Variants in LRIG3 observed in about 807,000 individuals in gnomAD.
The protein encoded by LRIG3 is leucine rich repeats and immunoglobulin like domains 3, also known as leucine-rich repeats and immunoglobulin-like domains protein 3.
LRIG3 carries 76 observed loss-of-function variants against 114.5 expected under a neutral mutation model. The ratio of observed to expected loss-of-function variants is 0.66; its 90% CI spans 0.55 to 0.80. LRIG3 has a LOEUF of 0.80. Ranked by LOEUF, LRIG3 falls within the 30% of genes least tolerant of loss-of-function variation. The pLI, the probability that LRIG3 is intolerant of heterozygous loss-of-function variation, is 0.00. For missense variants in LRIG3, 1,239 were observed against 1,382.8 expected (o/e 0.90, Z 1.65); for synonymous variants, 512 against 519.8 (o/e 0.98, Z 0.20).
At chr12:58,890,908 G>T in intron 3 of LRIG3, 112 bp from the exon 4 acceptor site, 1 of 958,416 alleles carries the variant, frequency 1.0e-6, no homozygotes, top group Non-Finnish European at 1.5e-6. Flanking sequence ...TGACTAATCT[G>T]AACAGTACTT....
Position 58,874,295 on chromosome 12 carries a change from G to A in LRIG3, c.2875C>T (p.His959Tyr). Residue 959 changes from histidine to tyrosine, a missense_variant, in exon 18 of 19, where the codon CAC becomes TAC. By Grantham distance (83) the His-to-Tyr change is moderately conservative. Coordinates refer to ENST00000320743, the MANE Select transcript of LRIG3 (RefSeq NM_153377.5). ...SPDPRTVLMDHYEPSYIKKKE... is the reference protein window; with the variant it reads ...SPDPRTVLMDYYEPSYIKKKE... ...TTCTTTATGTAACTGGGCTCATAGTGGTCCATTAAAACTGTTCTTGGGTCA... is the reference window on the plus strand; with the variant it reads ...TTCTTTATGTAACTGGGCTCATAGTAGTCCATTAAAACTGTTCTTGGGTCA... The A allele has an allele frequency of 6.2e-7, 1 of 1,613,184 alleles. No individual in the cohort carries two copies. Among genetic ancestry groups the A allele is most frequent in the Non-Finnish European group, 8.5e-7 (1 of 1,179,730 alleles).
chr12:58,912,955 C>T (rs1872340700), intron 3 of LRIG3, among the ~76,000 whole-genome samples: 1 of 152,330 alleles, frequency 6.6e-6, no homozygotes, highest in East Asian at 1.9e-4. Context: ...GGAAAAACCA[C>T]ATCAGTATCA....
At chr12:58,873,657 G>A (rs10506360) in intron 18 of LRIG3, 5,046 of 200,106 alleles carry the variant, frequency 0.025, 211 homozygotes, top group East Asian at 0.12. Flanking sequence ...CCCTTCGACT[G>A]CGGGTTCAGT....
Position 58,882,943 on chromosome 12 carries a change from T to C in LRIG3, c.1406A>G (p.Asn469Ser). 6.2e-7 allele frequency: 1 copy of C among 1,614,160 alleles called. No individual in the cohort carries two copies. The highest frequency in any genetic ancestry group is 1.7e-5 in the Admixed American group (1 of 60,018). The change falls in exon 12 of 19, where the codon AAT (asparagine) becomes AGT (serine). Residue 469 changes from asparagine (N) to serine (S), a missense_variant. By Grantham distance (46) the Asn-to-Ser change is conservative. Transcript: ENST00000320743. ...VAENNFQSFV[N>S]ASCAHPQLLK... ...CAGCTGAGGATGGGCACAACTGGCA[T>C]TTACAAAGCTCTGAAAGTTGTTTTC...
In LRIG3 at chr12:58,879,045, C is replaced by T. The variant is rs750955425; in HGVS notation, c.1862G>A (p.Arg621His). The change falls in exon 14 of 19, where the codon CGC becomes CAC. Residue 621 changes from arginine (R) to histidine (H), a missense_variant. Physicochemically the swap from Arg to His is conservative, Grantham distance 29. Coordinates refer to ENST00000320743, the MANE Select transcript of LRIG3 (RefSeq NM_153377.5). ...DLTIRAGAMA[R>H]LECAAVGHPA... ...GTGCCCCACAGCAGCACACTCCAAG[C>T]GTGCCATGGCCCCAGCTCGGATGGT... 3.9e-5 allele frequency: 63 copies of T among 1,614,006 alleles called. 2 individuals carry two copies. The Admixed American group carries it at 4.7e-4, about 12-fold the overall frequency.
At chr12:58,898,943 C>T (rs1394347024) in intron 3 of LRIG3, among the ~76,000 whole-genome samples, 7 of 152,330 alleles carry the variant, frequency 4.6e-5, no homozygotes, top group African/African-American at 1.7e-4. Context: ...AGGTGGGAGC[C>T]ACCACGCCCA....
intron 3 of LRIG3, among the ~76,000 whole-genome samples, chr12:58,903,873 T>G (rs1189602379): frequency 6.6e-6 from 1 of 152,094 alleles, no homozygotes; most frequent in Non-Finnish European, 1.5e-5. Context: ...ATCAGATAGT[T>G]GTAGATATGC....
chr12:58,890,497 A>C (rs538648391), intron 4 of LRIG3, among the ~76,000 whole-genome samples, 168 bp downstream of exon 4: 1 of 152,198 alleles, frequency 6.6e-6, no homozygotes, highest in Non-Finnish European at 1.5e-5. Flanking sequence ...TAAAAGTGTA[A>C]GAATAAACTG....
At chr12:58,883,776 T>C (rs1453560225) in intron 10 of LRIG3, among the ~76,000 whole-genome samples, 185 bp from the exon 11 acceptor site, 1 of 152,220 alleles carries the variant, frequency 6.6e-6, no homozygotes, top group Non-Finnish European at 1.5e-5. Flanking sequence ...CCAGGGCATT[T>C]GTATCACAGA....
rs763584366 is a variant in LRIG3, at chr12:58,874,289, C to G, written c.2881G>C (p.Glu961Gln). The G allele has an allele frequency of 6.2e-7, 1 of 1,613,454 alleles. No individual in the cohort carries two copies. Among genetic ancestry groups the G allele is most frequent in the South Asian group, 1.1e-5 (1 of 90,918 alleles). ...TCCTTTTTCTTTATGTAACTGGGCT[C>G]ATAGTGGTCCATTAAAACTGTTCTT... ...DPRTVLMDHYEPSYIKKKECY... is the reference protein window; with the variant it reads ...DPRTVLMDHYQPSYIKKKECY... Residue 961 changes from glutamate to glutamine, a missense_variant, in exon 18 of 19, where the codon GAG becomes CAG. Transcript: ENST00000320743.
intron 3 of LRIG3, among the ~76,000 whole-genome samples, chr12:58,903,318 C>T (rs1344073612): frequency 6.6e-6 from 1 of 152,188 alleles, no homozygotes. Flanking sequence ...TCTCTGATGG[C>T]CAGTGATGAT....
intron 3 of LRIG3, among the ~76,000 whole-genome samples, chr12:58,908,526 G>GGGCATA (rs1872154948): frequency 6.6e-6 from 1 of 152,184 alleles, no homozygotes; most frequent in African/African-American, 2.4e-5. Flanking sequence ...ACATACTCCA[G>GGGCATA]GGCATACACT....
At chr12:58,890,943 G>T in intron 3 of LRIG3, 147 bp from the exon 4 acceptor site, 1 of 550,800 alleles carries the variant, frequency 1.8e-6, no homozygotes. Context: ...GCAATACCAT[G>T]GCCATTTTAA....
intron 1 of LRIG3, among the ~76,000 whole-genome samples, chr12:58,917,586 C>G (rs530315613): frequency 1.3e-5 from 2 of 152,134 alleles, no homozygotes; most frequent in Non-Finnish European, 2.9e-5. Flanking sequence ...ACAGCTCAAA[C>G]TATTCGACTT....
At chr12:58,876,797 GCTGA>G (rs1477668323) in intron 15 of LRIG3, among the ~76,000 whole-genome samples, 194 bp from the exon 16 acceptor site, 1 of 152,188 alleles carries the variant, frequency 6.6e-6, no homozygotes, top group African/African-American at 2.4e-5. Context: ...GGACGTATAA[GCTGA>G]CTTTCTGTTT....
At position 58,880,628 on chromosome 12, in the gene LRIG3, T is replaced by C. The variant is rs200549484; in HGVS notation, c.1754A>G (p.Asn585Ser). ...GACAGAGTAGGATGAACCAAAGTGA[T>C]TGGAGATGACACACTGATATTTCCC... is the stretch of plus-strand genomic sequence containing the variant. ...SEGKYQCVISNHFGSSYSVKA... is the reference protein window; with the variant it reads ...SEGKYQCVISSHFGSSYSVKA... The change falls in exon 13 of 19, where the codon AAT becomes AGT. Residue 585 changes from asparagine (N) to serine (S), a missense_variant. Transcript: ENST00000320743. 3.8e-4 allele frequency: 616 copies of C among 1,614,120 alleles called. No homozygotes were observed. Among genetic ancestry groups the C allele is most frequent in the Non-Finnish European group, 4.9e-4 (575 of 1,179,962 alleles).
chr12:58,889,021 A>G, intron 5 of LRIG3, 59 bp from the exon 6 acceptor site: 2 of 1,508,312 alleles, frequency 1.3e-6, no homozygotes, highest in Non-Finnish European at 1.8e-6. Context: ...AGGTAGTAAT[A>G]AAATGTGTCA....
intron 16 of LRIG3, among the ~76,000 whole-genome samples, chr12:58,875,988 G>A (rs1870902196): frequency 6.6e-6 from 1 of 152,222 alleles, no homozygotes; most frequent in African/African-American, 2.4e-5. Flanking sequence ...GCAGGTGGAG[G>A]CTGCAGTGAG....
At chr12:58,880,405 G>C in intron 13 of LRIG3, 176 bp downstream of exon 13, 1 of 735,622 alleles carries the variant, frequency 1.4e-6, no homozygotes, top group Non-Finnish European at 2.4e-6. Context: ...CATAATTGCA[G>C]GTTTAGATAC....
Sources: allele counts gnomAD v4.1 joint callset (sites outside exome capture counted in the v4.1 genomes callset), GRCh38; gene constraint gnomAD v4.1.1; transcripts MANE v1.5; gene names NCBI Gene and HGNC (gene_info 2026-07-23, HGNC 2026-07-21).